The following TEX11 variants were observed in gnomAD, a reference collection of about 807,000 sequenced individuals.
TEX11 encodes testis-expressed protein 11.
A neutral mutation model predicts 84.4 loss-of-function variants in TEX11; 7 were observed. The observed-to-expected ratio is 0.08, with a 90% confidence interval of 0.05 to 0.16. TEX11 has a LOEUF of 0.16. Among genes scored for constraint, TEX11 ranks in the 10% least tolerant of loss-of-function variants. TEX11 has a pLI of 1.00. For synonymous variants in TEX11, 264 were observed against 222.8 expected (o/e 1.18, Z -1.64); for missense variants, 551 against 660.5 (o/e 0.83, Z 1.82).
In TEX11 at chrX:70,752,568, G is replaced by A. The variant is rs758798817; in HGVS notation, c.693-8349C>T. 5.9e-5 allele frequency among the ~76,000 whole-genome samples: 6 copies of A among 102,546 alleles called. No individual in the cohort carries two copies. The East Asian group carries it at 1.8e-3, about 31-fold the overall frequency. 89.0% of individuals were successfully genotyped at this position (102,546 alleles called of 115,157 possible). Reference sequence around the variant, plus strand: ...AAAGAAAAGAAAAAGACAAGAAAACGTAATCCAAAAAATGTTACAAAAATT... The same window carrying A: ...AAAGAAAAGAAAAAGACAAGAAAACATAATCCAAAAAATGTTACAAAAATT... On this transcript the variant is annotated intron_variant, in intron 9 of 29. Transcript: ENST00000374333.
chrX:70,719,773 T>G (rs765173566), intron 13 of TEX11, among the ~76,000 whole-genome samples: 194 of 112,161 alleles, frequency 1.7e-3, no homozygotes, highest in Admixed American at 4.4e-3. Context: ...GAAAAAATGC[T>G]CATCATCACT....
intron 9 of TEX11, among the ~76,000 whole-genome samples, chrX:70,780,104 T>C (rs753451297): frequency 4.7e-4 from 52 of 110,558 alleles, no homozygotes; most frequent in African/African-American, 1.6e-3. Flanking sequence ...TGAAAGCTTG[T>C]CTCTACTAAA....
At chrX:70,597,951 G>C (rs2089030021) in intron 24 of TEX11, among the ~76,000 whole-genome samples, 1 of 111,874 alleles carries the variant, frequency 8.9e-6, no homozygotes, top group Non-Finnish European at 1.9e-5. Flanking sequence ...GAAGGCCGAG[G>C]TGGGGGGATC....
intron 22 of TEX11, among the ~76,000 whole-genome samples, chrX:70,607,817 G>A (rs2089212229): frequency 8.9e-6 from 1 of 112,210 alleles, no homozygotes; most frequent in Non-Finnish European, 1.9e-5. Flanking sequence ...TTAAAATGCA[G>A]TAAAGTAAAA....
At chrX:70,793,360 C>T (rs2091136552) in intron 9 of TEX11, among the ~76,000 whole-genome samples, 1 of 111,814 alleles carries the variant, frequency 8.9e-6, no homozygotes, top group African/African-American at 3.2e-5. Context: ...CTGCCCAAAT[C>T]TCATGTTGAC....
chrX:70,515,214 A>G, the TEX11 span, among the ~76,000 whole-genome samples: 1 of 111,361 alleles, frequency 9.0e-6, no homozygotes, highest in Non-Finnish European at 1.9e-5. Flanking sequence ...GGTGCGCTGC[A>G]CCCATTAACT....
chrX:70,601,583 G>T, intron 24 of TEX11, among the ~76,000 whole-genome samples: 1 of 83,769 alleles, frequency 1.2e-5, no homozygotes. Flanking sequence ...GTTTCTCGCA[G>T]AGGGGGATTT....
At chrX:70,625,805 C>T (rs760568165) in intron 18 of TEX11, among the ~76,000 whole-genome samples, 3 of 102,874 alleles carry the variant, frequency 2.9e-5, no homozygotes, top group African/African-American at 1.1e-4. Flanking sequence ...TGGATTCTTG[C>T]TCTTGTCACC....
At chrX:70,750,857 C>T (rs2090811856) in intron 9 of TEX11, among the ~76,000 whole-genome samples, 1 of 88,409 alleles carries the variant, frequency 1.1e-5, no homozygotes, top group Non-Finnish European at 2.2e-5. Flanking sequence ...ACCAGCATGG[C>T]ACATGTATAC....
At position 70,705,598 on chromosome X, in the gene TEX11, C is replaced by G. The variant is rs867453181; in HGVS notation, c.1004+17020G>C. ...TAATATCCAGAATCTACAAAGAACT[C>G]AAACAAATTTACAAGAAAAAAACAA... On this transcript the variant is annotated intron_variant, in intron 13 of 29. Coordinates refer to ENST00000374333, the MANE Select transcript of TEX11 (RefSeq NM_031276.3). Among the ~76,000 whole-genome samples the G allele has an allele frequency of 2.2e-3, 246 of 111,163 alleles. 2 individuals are homozygous for G. Among genetic ancestry groups the G allele is most frequent in the African/African-American group, 7.7e-3 (237 of 30,645 alleles).
chrX:70,601,440 C>G (rs1317609072), intron 24 of TEX11, among the ~76,000 whole-genome samples: 33 of 94,525 alleles, frequency 3.5e-4, no homozygotes, highest in African/African-American at 1.2e-3. Context: ...ACCAGAGGTA[C>G]AAGGAGGAAC....
intron 25 of TEX11, among the ~76,000 whole-genome samples, chrX:70,578,792 CAG>C (rs1177339509): frequency 1.7e-5 from 1 of 60,375 alleles, no homozygotes; most frequent in Non-Finnish European, 2.8e-5. Flanking sequence ...TTTTTTGAGA[CAG>C]AGTTTTGCTC....
chrX:70,723,317 CTGTA>C (rs2090574786), intron 12 of TEX11, among the ~76,000 whole-genome samples: 1 of 111,177 alleles, frequency 9.0e-6, no homozygotes, highest in African/African-American at 3.3e-5. Flanking sequence ...GAAGTATACA[CTGTA>C]TGTCTATTAC....
At chrX:70,605,975 T>C (rs1266986603) in intron 23 of TEX11, among the ~76,000 whole-genome samples, 3 of 112,226 alleles carry the variant, frequency 2.7e-5, no homozygotes, top group Non-Finnish European at 5.6e-5. Flanking sequence ...ATTAACATTG[T>C]ATAGTTTTAG....
At chrX:70,697,294 C>A (rs764005030) in intron 13 of TEX11, among the ~76,000 whole-genome samples, 36 of 111,794 alleles carry the variant, frequency 3.2e-4, no homozygotes, top group Admixed American at 2.9e-4. Context: ...ATACTCACAG[C>A]CCCAGAGATT....
At chrX:70,605,999 C>T (rs1230026685) in intron 23 of TEX11, among the ~76,000 whole-genome samples, 1 of 112,138 alleles carries the variant, frequency 8.9e-6, no homozygotes, top group Non-Finnish European at 1.9e-5. Flanking sequence ...AAACTCCCAG[C>T]TACTACAATA....
intron 28 of TEX11, among the ~76,000 whole-genome samples, chrX:70,550,150 T>G (rs1401431670): frequency 9.0e-6 from 1 of 111,657 alleles, no homozygotes; most frequent in Non-Finnish European, 1.9e-5. Flanking sequence ...GAAAGAAGAG[T>G]CTCTTCAATA....
chrX:70,606,929 T>G, intron 23 of TEX11, 30 bp downstream of exon 23: 1 of 1,017,283 alleles, frequency 9.8e-7, no homozygotes, highest in Admixed American at 2.5e-5. Context: ...TTGTGGTCCA[T>G]ACATGAGATA....
At chrX:70,841,881 A>C (rs1258150465) in intron 7 of TEX11, among the ~76,000 whole-genome samples, 2 of 112,092 alleles carry the variant, frequency 1.8e-5, no homozygotes, top group Non-Finnish European at 3.8e-5. Context: ...GAAAATCTAG[A>C]AGAAATGGAT....
Sources: gnomAD v4.1 joint callset for allele counts (sites outside exome capture counted in the v4.1 genomes callset) on GRCh38, gnomAD v4.1.1 for gene constraint, MANE v1.5 for transcripts, NCBI Gene and HGNC (gene_info 2026-07-23, HGNC 2026-07-21) for gene names.